The following ASIC2 variants were observed in gnomAD, a reference collection of about 807,000 sequenced individuals.
The protein encoded by ASIC2 is acid-sensing ion channel 2.
Under a neutral mutation model 57.3 loss-of-function variants are expected in ASIC2, and 25 were observed. The observed-to-expected ratio is 0.44, with a 90% CI of 0.32 to 0.61. The LOEUF (loss-of-function observed/expected upper bound fraction) is 0.61, where lower values mean the gene tolerates loss of function less well. Ranked by LOEUF, ASIC2 falls within the 20% of genes least tolerant of loss-of-function variation. The probability of loss-of-function intolerance (pLI) is 0.06; values close to 1 mark genes in which losing one functional copy is unlikely to be tolerated. For synonymous variants in ASIC2, 319 were observed against 307.5 expected, an observed-to-expected ratio of 1.04 and a Z score of -0.39; for missense variants, 641 against 738.1, an observed-to-expected ratio of 0.87 and a Z score of 1.52.
At chr17:33,235,268 T>C (rs1389004477) in intron 1 of ASIC2, among the ~76,000 whole-genome samples, 1 of 151,942 alleles carries the variant, frequency 6.6e-6, no homozygotes, top group Admixed American at 6.5e-5. Flanking sequence ...CAGGATCAGG[T>C]AGTCCATTTT....
chr17:34,082,660 C>T (rs548812254), intron 1 of ASIC2, among the ~76,000 whole-genome samples: 4 of 152,224 alleles, frequency 2.6e-5, no homozygotes, highest in Non-Finnish European at 4.4e-5. Flanking sequence ...ACAGTTTCCA[C>T]TTACTGAACA....
At chr17:33,223,498 A>G (rs1347552870) in intron 1 of ASIC2, among the ~76,000 whole-genome samples, 1 of 152,158 alleles carries the variant, frequency 6.6e-6, no homozygotes, top group Non-Finnish European at 1.5e-5. Flanking sequence ...TTTCTAATGT[A>G]TGTCCCTTAA....
Position 33,465,465 on chromosome 17 carries a change from C to T in ASIC2, c.556-353398G>A, listed in dbSNP as rs1034879244. 8.6e-5 allele frequency among the ~76,000 whole-genome samples: 13 copies of T among 150,760 alleles called. No homozygotes were observed. In the East Asian group the frequency reaches 1.6e-3, roughly 18 times the overall value. ...TTGGCTCACTACAACCTCCGCCTGC[C>T]GGGTTCAAGCCGATTCTCCTGCCTC... On this transcript the variant is annotated intron_variant, in intron 1 of 9. Transcript: ENST00000359872.
intron 1 of ASIC2, among the ~76,000 whole-genome samples, chr17:33,352,405 C>T (rs1908221646): frequency 6.6e-6 from 1 of 152,188 alleles, no homozygotes; most frequent in Non-Finnish European, 1.5e-5. Context: ...CCACCCCCTA[C>T]ATGGGAGGCC....
chr17:33,494,786 C>A (rs1177916034), intron 1 of ASIC2, among the ~76,000 whole-genome samples: 1 of 152,166 alleles, frequency 6.6e-6, no homozygotes, highest in African/African-American at 2.4e-5. Flanking sequence ...GAAACTTTTT[C>A]TCTCCCTAGC....
chr17:33,548,487 T>A (rs1321682030), intron 1 of ASIC2, among the ~76,000 whole-genome samples: 1 of 152,092 alleles, frequency 6.6e-6, no homozygotes, highest in East Asian at 1.9e-4. Flanking sequence ...GAAAACTAGA[T>A]TGGAAGTCAG....
intron 1 of ASIC2, among the ~76,000 whole-genome samples, chr17:33,504,330 C>T (rs763133648): frequency 2.0e-5 from 3 of 152,094 alleles, no homozygotes; most frequent in African/African-American, 4.8e-5. Flanking sequence ...AGCCTGAAAT[C>T]GTGTTAGTAT....
chr17:33,168,203 T>A (rs565041321), intron 1 of ASIC2, among the ~76,000 whole-genome samples: 3 of 152,306 alleles, frequency 2.0e-5, no homozygotes, highest in African/African-American at 7.2e-5. Context: ...GGGAGCGAAA[T>A]AAACTTTAGT....
intron 1 of ASIC2, among the ~76,000 whole-genome samples, chr17:33,269,553 G>T (rs1401746698): frequency 6.6e-5 from 10 of 152,072 alleles, no homozygotes; most frequent in Non-Finnish European, 1.3e-4. Flanking sequence ...GAAGCCAGCT[G>T]TGTATTGAAC....
intron 1 of ASIC2, among the ~76,000 whole-genome samples, chr17:33,338,550 C>A (rs564497710): frequency 6.6e-6 from 1 of 152,180 alleles, no homozygotes; most frequent in East Asian, 1.9e-4. Context: ...AAGATGTGTG[C>A]GTGCACGAAT....
intron 1 of ASIC2, among the ~76,000 whole-genome samples, chr17:33,545,486 G>T (rs1230747146): frequency 6.6e-6 from 1 of 152,078 alleles, no homozygotes; most frequent in African/African-American, 2.4e-5. Flanking sequence ...TTTCTACTGT[G>T]CTCTATTTTT....
At chr17:33,944,866 T>A (rs1916272183) in intron 1 of ASIC2, among the ~76,000 whole-genome samples, 1 of 152,112 alleles carries the variant, frequency 6.6e-6, no homozygotes, top group South Asian at 2.1e-4. Context: ...TCTCCACCAA[T>A]GCGTAAAATG....
chr17:33,259,615 A>T (rs893921482), intron 1 of ASIC2, among the ~76,000 whole-genome samples: 1 of 152,148 alleles, frequency 6.6e-6, no homozygotes, highest in Non-Finnish European at 1.5e-5. Context: ...GCAAGATGTG[A>T]TGCAAAGAGG....
rs2092124249 is a variant in ASIC2, at chr17:33,083,938, G to A, written c.987+4925C>T. Among the ~76,000 whole-genome samples, 3 of 152,164 alleles carry A rather than the reference G, an allele frequency of 2.0e-5. No homozygotes were observed. In the South Asian group the frequency reaches 6.2e-4, roughly 32 times the overall value. ...GGTACTACCAAGGAGGGTGGCCAGA[G>A]CCTCTCTCCTAGAGTTTTAGGCTAC... On this transcript the variant is annotated intron_variant, in intron 3 of 9. Transcript: ENST00000225823.
At chr17:33,239,379 C>T (rs1257476810) in intron 1 of ASIC2, among the ~76,000 whole-genome samples, 1 of 152,218 alleles carries the variant, frequency 6.6e-6, no homozygotes, top group African/African-American at 2.4e-5. Context: ...ATCCCTGCTC[C>T]CATTTCCTGC....
chr17:34,043,304 A>C (rs1908209507), intron 1 of ASIC2, among the ~76,000 whole-genome samples: 1 of 152,138 alleles, frequency 6.6e-6, no homozygotes, highest in South Asian at 2.1e-4. Context: ...TTTAGTAAAT[A>C]GGTTTATTTT....
At chr17:34,141,311 A>T (rs1361452591) in intron 1 of ASIC2, among the ~76,000 whole-genome samples, 2 of 152,244 alleles carry the variant, frequency 1.3e-5, no homozygotes, top group African/African-American at 2.4e-5. Flanking sequence ...ACCACTGTTG[A>T]ACTTCTGGGT....
In ASIC2 at chr17:34,156,665, T is replaced by A; in HGVS notation, c.-133A>T. On this transcript the variant is annotated 5_prime_UTR_variant, in exon 1 of 10. Transcript: ENST00000359872. This position sits in a 1 kb window ranked among gnomAD's most constrained non-coding sequence, Gnocchi z 4.4. ...AAGGCAAGCATCGCGCCAGATGCTG[T>A]GAGTTTATCCTGAGAGCCCAGCCGC... 1.0e-6 allele frequency: 1 copy of A among 967,266 alleles called. No individual in the cohort carries two copies. The highest frequency in any genetic ancestry group is 1.5e-6 in the Non-Finnish European group (1 of 669,514). 59.9% of individuals were successfully genotyped at this position (967,266 alleles called of 1,614,324 possible).
chr17:33,484,913 T>C (rs968067348), intron 1 of ASIC2, among the ~76,000 whole-genome samples: 3 of 152,218 alleles, frequency 2.0e-5, no homozygotes, highest in African/African-American at 7.2e-5. Flanking sequence ...TAAATACAAC[T>C]GCAAAACTGC....
Sources: allele counts gnomAD v4.1 joint callset (sites outside exome capture counted in the v4.1 genomes callset), GRCh38; gene constraint gnomAD v4.1.1; non-coding constraint Gnocchi (gnomAD v3.1); transcripts MANE v1.5; gene names NCBI Gene and HGNC (gene_info 2026-07-23, HGNC 2026-07-21).